RPH3A: variants seen among roughly 807,000 people sequenced by gnomAD.
RPH3A encodes rabphilin 3A.
A neutral mutation model predicts 102.2 loss-of-function variants in RPH3A; 48 were observed. The observed-to-expected ratio is 0.47, with a 90% CI of 0.37 to 0.60. The LOEUF is 0.60. RPH3A is among the 20% of genes least tolerant of loss of function. The probability of loss-of-function intolerance (pLI) is 0.00; values close to 1 mark genes in which losing one functional copy is unlikely to be tolerated. For synonymous variants in RPH3A, 310 were observed against 324.3 expected (o/e 0.96, Z 0.47); for missense variants, 781 against 910.1 (o/e 0.86, Z 1.83).
At chr12:112,806,278 A>G (rs757048634) in intron 2 of RPH3A, among the ~76,000 whole-genome samples, 2 of 152,268 alleles carry the variant, frequency 1.3e-5, no homozygotes, top group South Asian at 2.1e-4. Flanking sequence ...TTTTAAAAAG[A>G]AAGCACATTG....
intron 1 of RPH3A, among the ~76,000 whole-genome samples, chr12:112,781,768 A>T (rs552692315): frequency 6.6e-6 from 1 of 152,346 alleles, no homozygotes; most frequent in African/African-American, 2.4e-5. Flanking sequence ...TGTTAGATAC[A>T]CAAGAAAGAC....
intron 1 of RPH3A, among the ~76,000 whole-genome samples, chr12:112,725,250 GAAAAAAAAAA>G (rs35952537): frequency 1.3e-4 from 8 of 63,066 alleles, no homozygotes; most frequent in African/African-American, 2.8e-4. Flanking sequence ...CTTTGTCTCA[GAAAAAAAAAA>G]AAAAAAAAAA....
At chr12:112,878,995 C>A (rs2042857327) in intron 13 of RPH3A, 124 bp from the exon 14 acceptor site, 1 of 830,880 alleles carries the variant, frequency 1.2e-6, no homozygotes, top group Non-Finnish European at 2.0e-6. Flanking sequence ...CAGCAAAAAC[C>A]GAGTTTTCTT....
intron 1 of RPH3A, among the ~76,000 whole-genome samples, chr12:112,717,021 T>G (rs2040517673): frequency 6.6e-6 from 1 of 152,202 alleles, no homozygotes; most frequent in Non-Finnish European, 1.5e-5. Flanking sequence ...TGGAAGGCAC[T>G]TTGTGTTCTT....
intron 1 of RPH3A, among the ~76,000 whole-genome samples, chr12:112,578,550 T>C (rs546587208): frequency 1.3e-5 from 2 of 152,286 alleles, no homozygotes; most frequent in South Asian, 2.1e-4. Flanking sequence ...CAGAACTAGA[T>C]TTCTGTCATT....
chr12:112,786,332 A>C (rs748598270), intron 1 of RPH3A, among the ~76,000 whole-genome samples: 2 of 152,210 alleles, frequency 1.3e-5, no homozygotes, highest in Non-Finnish European at 2.9e-5. Flanking sequence ...TTGTCAGTGC[A>C]CATAGGCCGA....
At chr12:112,630,567 G>A (rs2039797307) in intron 1 of RPH3A, among the ~76,000 whole-genome samples, 1 of 152,228 alleles carries the variant, frequency 6.6e-6, no homozygotes, top group Non-Finnish European at 1.5e-5. Context: ...TTAGGGCAGA[G>A]CCTCCTGGGG....
At chr12:112,586,720 T>C (rs555991810) in intron 1 of RPH3A, among the ~76,000 whole-genome samples, 3 of 152,224 alleles carry the variant, frequency 2.0e-5, no homozygotes, top group African/African-American at 7.2e-5. Context: ...TTCCCAACGA[T>C]CTTATGAAGA....
At chr12:112,730,510 T>C (rs2040624985) in intron 1 of RPH3A, among the ~76,000 whole-genome samples, 1 of 152,192 alleles carries the variant, frequency 6.6e-6, no homozygotes, top group African/African-American at 2.4e-5. Flanking sequence ...CCAGGGACTG[T>C]ATTTGCTGCA....
intron 1 of RPH3A, among the ~76,000 whole-genome samples, chr12:112,607,919 C>T (rs2039609741): frequency 6.6e-6 from 1 of 152,184 alleles, no homozygotes; most frequent in Admixed American, 6.5e-5. Flanking sequence ...GCTCTAAAAC[C>T]TTTAGTGGCT....
At chr12:112,628,984 G>C (rs1220214550) in intron 1 of RPH3A, among the ~76,000 whole-genome samples, 1 of 152,144 alleles carries the variant, frequency 6.6e-6, no homozygotes, top group Admixed American at 6.5e-5. Flanking sequence ...GCTTGACCCA[G>C]TGGGAGAGAA....
At chr12:112,803,423 C>T (rs2041394846) in intron 2 of RPH3A, among the ~76,000 whole-genome samples, 1 of 151,920 alleles carries the variant, frequency 6.6e-6, no homozygotes, top group South Asian at 2.1e-4. Context: ...GCTGTGTAGG[C>T]TGCCCTGCCC....
At chr12:112,590,082 CA>C (rs766520725) in intron 1 of RPH3A, among the ~76,000 whole-genome samples, 2,390 of 114,772 alleles carry the variant, frequency 0.021, 62 homozygotes, top group African/African-American at 0.061. Flanking sequence ...GACTCCATCT[CA>C]AAAAAAAAAA....
intron 1 of RPH3A, among the ~76,000 whole-genome samples, chr12:112,725,260 A>AAC (rs2040579483): frequency 6.7e-6 from 1 of 149,792 alleles, no homozygotes; most frequent in South Asian, 2.1e-4. Context: ...GAAAAAAAAA[A>AAC]AAAAAAAAAA....
rs768540113 is a variant in RPH3A at position 112,896,815 on chromosome 12, T to TC, written c.*42dup. The TC allele has an allele frequency of 1.5e-5, 24 of 1,609,468 alleles. No homozygotes were observed. The highest frequency in any genetic ancestry group is 2.2e-5 in the South Asian group (2 of 90,850). On this transcript the variant is annotated 3_prime_UTR_variant, in exon 22 of 22. Coordinates refer to ENST00000389385, the MANE Select transcript of RPH3A (RefSeq NM_001143854.2). ...CAGGTCCCCATCTCCATGTCCCGGGTCCCCCCCAGCCTGCTCTAGCTGCCC... is the reference window on the plus strand; with the variant it reads ...CAGGTCCCCATCTCCATGTCCCGGGTCCCCCCCCAGCCTGCTCTAGCTGCCC...
chr12:112,839,024 G>C (rs1463126780), intron 4 of RPH3A, among the ~76,000 whole-genome samples: 7 of 152,158 alleles, frequency 4.6e-5, no homozygotes, highest in Non-Finnish European at 1.0e-4. Context: ...CCTCTCTCCA[G>C]TCATGATTCT....
intron 1 of RPH3A, among the ~76,000 whole-genome samples, chr12:112,749,891 G>GTTT (rs200651061): frequency 7.2e-5 from 11 of 151,748 alleles, no homozygotes; most frequent in Admixed American, 2.6e-4. Flanking sequence ...TTTTGTTTTT[G>GTTT]TTTTTTTTGT....
At chr12:112,802,845 G>A (rs970494731) in intron 2 of RPH3A, among the ~76,000 whole-genome samples, 1 of 152,082 alleles carries the variant, frequency 6.6e-6, no homozygotes, top group Non-Finnish European at 1.5e-5. Flanking sequence ...TCTCCCCAGG[G>A]CCTCTGTCCT....
chr12:112,691,302 G>A (rs1378995125), intron 1 of RPH3A, among the ~76,000 whole-genome samples: 3 of 152,076 alleles, frequency 2.0e-5, no homozygotes, highest in Non-Finnish European at 2.9e-5. Context: ...GTGAGCCACC[G>A]CGCCCAGCCT....
Sources: allele counts gnomAD v4.1 joint callset (sites outside exome capture counted in the v4.1 genomes callset), GRCh38; gene constraint gnomAD v4.1.1; transcripts MANE v1.5; gene names NCBI Gene and HGNC (gene_info 2026-07-23, HGNC 2026-07-21).